Variants in TBX15 observed in about 807,000 individuals in gnomAD.
TBX15 encodes T-box transcription factor TBX15.
In TBX15, 18 loss-of-function variants were observed where a neutral mutation model predicts 53.9. The ratio of observed to expected loss-of-function variants is 0.33; its 90% CI spans 0.23 to 0.49. TBX15 has a LOEUF of 0.49. Among genes scored for constraint, TBX15 ranks in the 20% least tolerant of loss-of-function variants. The pLI, the probability that TBX15 is intolerant of heterozygous loss-of-function variation, is 0.98. For missense variants in TBX15, 692 were observed against 749.5 expected (o/e 0.92, Z 0.90); for synonymous variants, 295 against 278.0 (o/e 1.06, Z -0.61).
At chr1:118,964,493 A>G (rs1656977691) in intron 1 of TBX15, among the ~76,000 whole-genome samples, 1 of 152,252 alleles carries the variant, frequency 6.6e-6, no homozygotes, top group South Asian at 2.1e-4. Context: ...TAGAGTCACA[A>G]TTCAAACCCA....
At chr1:118,924,365 G>A (rs749219938) in intron 4 of TBX15, among the ~76,000 whole-genome samples, 4 of 152,130 alleles carry the variant, frequency 2.6e-5, no homozygotes, top group Non-Finnish European at 4.4e-5. Flanking sequence ...GATTTGTCTT[G>A]TTTTGCTCTC....
At chr1:118,889,370 C>A (rs969618636) in intron 7 of TBX15, among the ~76,000 whole-genome samples, 9 of 152,176 alleles carry the variant, frequency 5.9e-5, no homozygotes, top group Non-Finnish European at 1.0e-4. Flanking sequence ...GGGAGCCCAT[C>A]CTCTTTGATC....
chr1:118,956,690 T>C (rs917568484), intron 1 of TBX15, among the ~76,000 whole-genome samples: 1 of 152,092 alleles, frequency 6.6e-6, no homozygotes, highest in Admixed American at 6.6e-5. Flanking sequence ...CAGTGGCTCA[T>C]GCCTGTAATC....
chr1:118,945,687 C>G (rs368360463), intron 1 of TBX15, among the ~76,000 whole-genome samples: 7 of 152,184 alleles, frequency 4.6e-5, no homozygotes, highest in East Asian at 3.9e-4. Flanking sequence ...ATTTTCCCCC[C>G]CTACTGTTCA....
intron 2 of TBX15, 144 bp from the exon 3 acceptor site, chr1:118,926,755 GA>G: frequency 1.4e-6 from 1 of 718,164 alleles, no homozygotes. Context: ...ACCCAGGCTG[GA>G]GTGCAGTAGC....
At chr1:118,965,993 T>A (rs962865988) in intron 1 of TBX15, among the ~76,000 whole-genome samples, 2 of 152,224 alleles carry the variant, frequency 1.3e-5, no homozygotes, top group Non-Finnish European at 2.9e-5. Context: ...AAACTAGGGA[T>A]GGGAGATTGC....
intron 1 of TBX15, among the ~76,000 whole-genome samples, chr1:118,951,329 G>T (rs767658236): frequency 6.6e-6 from 1 of 152,158 alleles, no homozygotes; most frequent in African/African-American, 2.4e-5. Flanking sequence ...GATACACAAG[G>T]TAGCAGCTAA....
At chr1:118,927,031 C>A (rs952745352) in intron 2 of TBX15, among the ~76,000 whole-genome samples, 1 of 152,106 alleles carries the variant, frequency 6.6e-6, no homozygotes, top group Non-Finnish European at 1.5e-5. Flanking sequence ...GCCTAAACAA[C>A]GTATTCTTAT....
intron 1 of TBX15, among the ~76,000 whole-genome samples, chr1:118,985,402 C>T (rs1262079418): frequency 6.6e-6 from 1 of 152,234 alleles, no homozygotes; most frequent in Admixed American, 6.5e-5. Flanking sequence ...TCGCGCCTTT[C>T]GCTACCGCCT....
chr1:118,884,451 G>A lies in TBX15; in HGVS notation c.*281C>T. 2.1e-6 allele frequency: 1 copy of A among 483,580 alleles called. No individual in the cohort carries two copies. The highest frequency in any genetic ancestry group is 3.7e-6 in the Non-Finnish European group (1 of 266,766). 30.0% of individuals were successfully genotyped at this position (483,580 alleles called of 1,614,324 possible). A position where few individuals can be genotyped will look rare whatever the true frequency, so the allele number is the denominator to read the frequency against. ...AACATTATGACGAAGTGATTATTCAGTCTCTTCAAAGGCCACTCTGGAACA... is the reference window on the plus strand; with the variant it reads ...AACATTATGACGAAGTGATTATTCAATCTCTTCAAAGGCCACTCTGGAACA... On this transcript the variant is annotated 3_prime_UTR_variant, in exon 8 of 8. Transcript: ENST00000369429.
At chr1:118,988,540 C>A (rs1657924453), upstream of TBX15, among the ~76,000 whole-genome samples, 1 of 152,092 alleles carries the variant, frequency 6.6e-6, no homozygotes, top group Non-Finnish European at 1.5e-5. Context: ...ATGGGTTACT[C>A]CAAGAGGGAG....
intron 7 of TBX15, among the ~76,000 whole-genome samples, chr1:118,888,564 T>G (rs1258977838): frequency 1.3e-5 from 2 of 152,190 alleles, no homozygotes; most frequent in East Asian, 3.9e-4. Context: ...TATTTTCCAC[T>G]CCAAATGCTA....
intron 1 of TBX15, among the ~76,000 whole-genome samples, chr1:118,974,291 A>T (rs1289045301): frequency 6.6e-6 from 1 of 152,224 alleles, no homozygotes; most frequent in Non-Finnish European, 1.5e-5. Context: ...TGCTGGCAAC[A>T]GGAGAAAGCA....
chr1:118,930,131 T>A (rs951847115), intron 2 of TBX15, among the ~76,000 whole-genome samples: 1 of 152,228 alleles, frequency 6.6e-6, no homozygotes, highest in Non-Finnish European at 1.5e-5. Context: ...AATTTCAGAT[T>A]TATTTTAACT....
At chr1:118,931,050 A>G (rs886366672) in intron 2 of TBX15, among the ~76,000 whole-genome samples, 2 of 152,244 alleles carry the variant, frequency 1.3e-5, no homozygotes, top group African/African-American at 2.4e-5. Context: ...AAGTGTCTAT[A>G]TCAAGAGAAG....
At chr1:118,977,979 C>T (rs531712703) in intron 1 of TBX15, among the ~76,000 whole-genome samples, 80 of 152,300 alleles carry the variant, frequency 5.3e-4, no homozygotes, top group Non-Finnish European at 9.1e-4. Context: ...CTTTTTTCAA[C>T]CCTCATTTTT....
At chr1:118,938,660 T>C (rs1656043802) in intron 1 of TBX15, among the ~76,000 whole-genome samples, 1 of 152,152 alleles carries the variant, frequency 6.6e-6, no homozygotes, top group South Asian at 2.1e-4. Context: ...TTGCTAGCAT[T>C]TGTTTTCTTC....
chr1:118,943,958 T>C (rs1571194979), intron 1 of TBX15, among the ~76,000 whole-genome samples: 1 of 152,180 alleles, frequency 6.6e-6, no homozygotes, highest in East Asian at 1.9e-4. Flanking sequence ...TTTCAAAACT[T>C]CACCTCATCC....
intron 1 of TBX15, among the ~76,000 whole-genome samples, chr1:118,934,081 C>T (rs999547342): frequency 6.6e-6 from 1 of 152,096 alleles, no homozygotes; most frequent in Non-Finnish European, 1.5e-5. Flanking sequence ...GAGACTCTAC[C>T]CTTAACTCAG....
Sources: gnomAD v4.1 joint callset for allele counts (sites outside exome capture counted in the v4.1 genomes callset) on GRCh38, gnomAD v4.1.1 for gene constraint, MANE v1.5 for transcripts, NCBI Gene and HGNC (gene_info 2026-07-23, HGNC 2026-07-21) for gene names.